CCDC88A: variants seen among roughly 807,000 people sequenced by gnomAD.
CCDC88A encodes coiled-coil and HOOK domain protein 88A.
In CCDC88A, 54 loss-of-function variants were observed where a neutral mutation model predicts 234.3. The ratio of observed to expected loss-of-function variants is 0.23; its 90% CI spans 0.19 to 0.29. The LOEUF (loss-of-function observed/expected upper bound fraction) is 0.29. Ranked by LOEUF, CCDC88A falls within the 10% of genes least tolerant of loss-of-function variation. The probability of loss-of-function intolerance (pLI) is 1.00; values close to 1 mark genes in which losing one functional copy is unlikely to be tolerated. For synonymous variants in CCDC88A, 753 were observed against 737.8 expected, an observed-to-expected ratio of 1.02 and a Z score of -0.33; for missense variants, 1,832 against 2,123.4, an observed-to-expected ratio of 0.86 and a Z score of 2.70.
intron 17 of CCDC88A, among the ~76,000 whole-genome samples, chr2:55,327,547 T>A (rs774300988): frequency 1.3e-5 from 2 of 152,202 alleles, no homozygotes; most frequent in Non-Finnish European, 2.9e-5. Context: ...GACACTGCCC[T>A]GCTATCTATT....
At position 55,290,913 on chromosome 2, in the gene CCDC88A, G is replaced by A. The variant is rs1036635148; in HGVS notation, c.*287C>T. ...AACACCTGGTCCTTAGTGAGAGAAC[G>A]TCCTTTATTCAGTAGATCTTAACAG... On this transcript the variant is annotated 3_prime_UTR_variant, in exon 33 of 33. Transcript: ENST00000436346. 5.2e-5 allele frequency: 8 copies of A among 152,456 alleles called. No homozygotes were observed. The highest frequency in any genetic ancestry group is 7.2e-5 in the African/African-American group (3 of 41,430). The allele number at this position is 152,456 out of a possible 1,614,324, so 9.4% of individuals were successfully genotyped here. A position where few individuals can be genotyped will look rare whatever the true frequency, so the allele number is the denominator to read the frequency against.
intron 12 of CCDC88A, 97 bp downstream of exon 12, chr2:55,343,551 G>GAGATATCTCAGAAGACTACCTGTCTCCAT: frequency 1.1e-6 from 1 of 887,418 alleles, no homozygotes; most frequent in Non-Finnish European, 1.7e-6. Context: ...GTAGTCTTCT[G>GAGATATCTCAGAAGACTACCTGTCTCCAT]AGATATCTCC....
At chr2:55,315,758 T>C (rs1224603950) in intron 22 of CCDC88A, among the ~76,000 whole-genome samples, 170 bp downstream of exon 22, 1 of 152,230 alleles carries the variant, frequency 6.6e-6, no homozygotes, top group Non-Finnish European at 1.5e-5. Flanking sequence ...ATTAATGATA[T>C]GGGAAGTTGT....
intron 6 of CCDC88A, 118 bp downstream of exon 6, chr2:55,363,832 T>C: frequency 1.8e-6 from 1 of 547,486 alleles, no homozygotes; most frequent in Non-Finnish European, 3.2e-6. Flanking sequence ...GCAGGGTCCA[T>C]CTATATTTGT....
intron 2 of CCDC88A, among the ~76,000 whole-genome samples, chr2:55,408,928 C>T (rs116470726): frequency 2.6e-5 from 4 of 152,084 alleles, no homozygotes; most frequent in Non-Finnish European, 5.9e-5. Flanking sequence ...TATTATTCAA[C>T]TATTCAGCTA....
intron 2 of CCDC88A, chr2:55,405,925 T>G (rs1298154777): frequency 6.6e-6 from 1 of 152,186 alleles, no homozygotes; most frequent in Non-Finnish European, 1.5e-5. Context: ...TTTGTGAGGC[T>G]GAGGCGGTTG....
rs200429300 is a variant in CCDC88A at position 55,317,353 on chromosome 2, G to A, written c.3603-4C>T. On this transcript the variant is annotated splice_polypyrimidine_tract_variant and splice_region_variant and intron_variant, in intron 20 of 32. Transcript: ENST00000436346. The surrounding 1 kb of genome is among the most constrained non-coding windows in gnomAD (Gnocchi z 4.2). ...CTGTTTTAATAACTGATTGTAACTG[G>A]GGGGAAAAAAGGCATTTGGTTTATA... is the stretch of plus-strand genomic sequence containing the variant. 6.8e-7 allele frequency: 1 copy of A among 1,460,106 alleles called. No homozygotes were observed. The highest frequency in any genetic ancestry group is 9.1e-7 in the Non-Finnish European group (1 of 1,101,802). The allele number at this position is 1,460,106 out of a possible 1,614,324, so 90.4% of individuals were successfully genotyped here.
intron 13 of CCDC88A, chr2:55,337,783 T>A (rs1415277268): frequency 1.3e-5 from 2 of 152,160 alleles, no homozygotes; most frequent in African/African-American, 4.8e-5. Context: ...GAGGTTGCAG[T>A]GAGCTGAGAT....
intron 2 of CCDC88A, chr2:55,417,942 T>G (rs1681750860): frequency 2.7e-5 from 2 of 74,924 alleles, no homozygotes; most frequent in Non-Finnish European, 5.8e-5. Flanking sequence ...AAGTATACAT[T>G]ACTTTGAGCA....
chr2:55,396,161 G>A (rs931646192), intron 2 of CCDC88A, among the ~76,000 whole-genome samples: 14 of 151,776 alleles, frequency 9.2e-5, no homozygotes, highest in African/African-American at 3.4e-4. Context: ...ATTACTTAAT[G>A]CACAAAAGCT....
chr2:55,327,672 T>C (rs150149661), intron 17 of CCDC88A, among the ~76,000 whole-genome samples: 1 of 152,186 alleles, frequency 6.6e-6, no homozygotes, highest in Non-Finnish European at 1.5e-5. Context: ...GCAGAGATGA[T>C]AAAAGGGTGA....
chr2:55,375,449 T>G (rs1574345085), intron 3 of CCDC88A, among the ~76,000 whole-genome samples: 1 of 138,548 alleles, frequency 7.2e-6, no homozygotes, highest in Non-Finnish European at 1.5e-5. Context: ...TACATCAAAT[T>G]TATAAGTACT....
intron 2 of CCDC88A, among the ~76,000 whole-genome samples, chr2:55,397,979 A>C (rs2104930473): frequency 6.6e-6 from 1 of 152,306 alleles, no homozygotes; most frequent in South Asian, 2.1e-4. Flanking sequence ...TTATATACTA[A>C]TGATATCAGA....
In CCDC88A at chr2:55,309,156, T is replaced by C; in HGVS notation, c.4172+6A>G. 1 of 1,536,266 alleles carries C rather than the reference T, an allele frequency of 6.5e-7. No homozygotes were observed. Among genetic ancestry groups the C allele is most frequent in the Non-Finnish European group, 8.9e-7 (1 of 1,118,602 alleles). ...ATAAGAATTCATAAAATTTGGTTAA[T>C]GGTACCTTCTAGGAGGAGATGGGTC... On this transcript the variant is annotated splice_donor_region_variant and intron_variant, in intron 24 of 32. Transcript: ENST00000436346. The surrounding 1 kb of genome is among the most constrained non-coding windows in gnomAD (Gnocchi z 5.1).
chr2:55,304,373 C>G (rs1399202266), intron 25 of CCDC88A, among the ~76,000 whole-genome samples: 1 of 152,130 alleles, frequency 6.6e-6, no homozygotes, highest in Admixed American at 6.5e-5. Flanking sequence ...AAATAAATTC[C>G]TTCTTGGTTT....
intron 4 of CCDC88A, among the ~76,000 whole-genome samples, chr2:55,372,953 T>C (rs1384055682): frequency 2.0e-5 from 3 of 152,186 alleles, no homozygotes; most frequent in African/African-American, 7.2e-5. Context: ...TTCATCTCCT[T>C]ATAAAATTTA....
At chr2:55,292,797 G>A (rs1679576850) in intron 31 of CCDC88A, 1 of 152,260 alleles carries the variant, frequency 6.6e-6, no homozygotes, top group Non-Finnish European at 1.5e-5. Flanking sequence ...GGAGGCAGAG[G>A]TTTCAGTGAG....
At chr2:55,295,387 C>T in intron 31 of CCDC88A, 1 of 1,544,384 alleles carries the variant, frequency 6.5e-7, no homozygotes, top group Non-Finnish European at 8.7e-7. Flanking sequence ...CCTATGCTAT[C>T]TTTTGCCAAC....
chr2:55,401,470 A>ATATATATATGTGTG lies in CCDC88A; in HGVS notation c.165-12585_165-12584insCACACATATATATA, dbSNP rs367863063. ...AAAATATATATATATATATATACAT[A>ATATATATATGTGTG]TGTGTGTGTATGTATGTGTGTGTGT... is the stretch of plus-strand genomic sequence containing the variant. On this transcript the variant is annotated intron_variant, in intron 2 of 32. Transcript: ENST00000436346. 2.5e-4 allele frequency among the ~76,000 whole-genome samples: 8 copies of ATATATATATGTGTG among 31,518 alleles called. 1 individual carries two copies. Among genetic ancestry groups the ATATATATATGTGTG allele is most frequent in the Non-Finnish European group, 5.5e-4 (7 of 12,748 alleles). The allele number at this position is 31,518 out of a possible 152,430, so 20.7% of individuals were successfully genotyped here.
Sources: gnomAD v4.1 joint callset for allele counts (sites outside exome capture counted in the v4.1 genomes callset) on GRCh38, gnomAD v4.1.1 for gene constraint, Gnocchi (gnomAD v3.1) non-coding constraint, MANE v1.5 for transcripts, NCBI Gene and HGNC (gene_info 2026-07-23, HGNC 2026-07-21) for gene names.